The following TRPV1 variants were observed in gnomAD, a reference collection of about 807,000 sequenced individuals.
TRPV1 encodes OTRPC1.
In TRPV1, 82 loss-of-function variants were observed where a neutral mutation model predicts 82.3. That is an observed-to-expected ratio of 1.00 (90% CI 0.83 to 1.20). TRPV1 has a LOEUF of 1.20. TRPV1 is among the 50% of genes most tolerant of loss of function. TRPV1 has a pLI of 0.00. For synonymous variants in TRPV1, 515 were observed against 467.7 expected (o/e 1.10, Z -1.30); for missense variants, 1,067 against 1,096.8 (o/e 0.97, Z 0.38).
chr17:3,575,031 A>G (rs1325270080), intron 13 of TRPV1, among the ~76,000 whole-genome samples: 1 of 152,168 alleles, frequency 6.6e-6, no homozygotes, highest in Non-Finnish European at 1.5e-5. Flanking sequence ...AAAAGAGGAT[A>G]GTAAGGATTA....
intron 2 of TRPV1, among the ~76,000 whole-genome samples, chr17:3,593,259 A>G (rs1483617257): frequency 6.6e-6 from 1 of 152,042 alleles, no homozygotes; most frequent in Non-Finnish European, 1.5e-5. Flanking sequence ...CTGGGATTAC[A>G]GGCGCCCGCC....
chr17:3,597,267 G>T (rs1318108323), intron 2 of TRPV1, among the ~76,000 whole-genome samples: 1 of 152,218 alleles, frequency 6.6e-6, no homozygotes, highest in Non-Finnish European at 1.5e-5. Context: ...ACCAGAGCCA[G>T]CCAGAGCTGC....
In TRPV1 at chr17:3,577,177, G is replaced by A; in HGVS notation, c.1729C>T (p.Leu577=). ...ATGTAGACAAACATGAAACGGCACA[G>A]GTCTCTCAGGATCATCTGCAGGAGA... is the stretch of plus-strand genomic sequence containing the variant. The part of the protein sequence containing the change: ...VMIEKMILRD[L]CRFMFVYIVF... Residue 577 remains leucine, a synonymous_variant, in exon 13 of 17, where the codon CTG becomes TTG. Coordinates refer to ENST00000572705, the MANE Select transcript of TRPV1 (RefSeq NM_080704.4). 1.3e-6 allele frequency: 2 copies of A among 1,582,858 alleles called. No homozygotes were observed. Among genetic ancestry groups the A allele is most frequent in the Non-Finnish European group, 1.7e-6 (2 of 1,164,788 alleles).
In TRPV1 at chr17:3,572,139, G is replaced by C. The variant is rs2074862353; in HGVS notation, c.2214C>G (p.Asp738Glu). ...QVGYTPDGKD[D>E]YRWCFRVDEV... is the part of the protein sequence containing the mutation. Reference sequence around the variant, plus strand: ...GGCATTACCTGAAGCACCACCGGTAGTCGTCCTTGCCATCAGGTGTGTACC... The same window carrying C: ...GGCATTACCTGAAGCACCACCGGTACTCGTCCTTGCCATCAGGTGTGTACC... Residue 738 changes from aspartate (D) to glutamate (E), a missense_variant, in exon 15 of 17, where the codon GAC becomes GAG. By Grantham distance (45) the Asp-to-Glu change is conservative. Coordinates refer to ENST00000572705, the MANE Select transcript of TRPV1 (RefSeq NM_080704.4). The C allele has an allele frequency of 6.2e-7, 1 of 1,613,470 alleles. No homozygotes were observed. Among genetic ancestry groups the C allele is most frequent in the Non-Finnish European group, 8.5e-7 (1 of 1,179,668 alleles).
intron 2 of TRPV1, among the ~76,000 whole-genome samples, chr17:3,593,134 GTGTC>G (rs1449651557): frequency 8.0e-4 from 19 of 23,846 alleles, no homozygotes; most frequent in African/African-American, 5.5e-3. Context: ...GTGTGTGTGT[GTGTC>G]TGTGTGTCTC....
intron 16 of TRPV1, among the ~76,000 whole-genome samples, chr17:3,568,296 TG>T (rs1231188622): frequency 2.1e-5 from 3 of 142,732 alleles, no homozygotes; most frequent in African/African-American, 8.0e-5. Flanking sequence ...CACTCCAGCC[TG>T]GGTGACAGAG....
chr17:3,582,721 G>A (rs1205791798), intron 10 of TRPV1, among the ~76,000 whole-genome samples: 1 of 152,008 alleles, frequency 6.6e-6, no homozygotes, highest in Non-Finnish European at 1.5e-5. Context: ...ACTTTGGGAG[G>A]CTGAGGCAGG....
chr17:3,570,836 C>T (rs748572816), intron 16 of TRPV1, among the ~76,000 whole-genome samples: 4 of 152,146 alleles, frequency 2.6e-5, no homozygotes, highest in Non-Finnish European at 4.4e-5. Context: ...GCTTCAGCCT[C>T]CCGAGTAGCT....
intron 7 of TRPV1, among the ~76,000 whole-genome samples, chr17:3,588,580 G>C (rs144209836): frequency 2.6e-5 from 4 of 152,100 alleles, no homozygotes; most frequent in Non-Finnish European, 4.4e-5. Flanking sequence ...AGGCTGAGGC[G>C]GGTGGATCAC....
rs201051283 is a variant in TRPV1 at position 3,566,719 on chromosome 17, A to G, written c.*96T>C. ...ATGCTGGGCAGGCACAGACCAGGCC[A>G]GGCTGCTGACAGAGCACTGGTGTTC... On this transcript the variant is annotated 3_prime_UTR_variant, in exon 17 of 17. Coordinates refer to ENST00000572705, the MANE Select transcript of TRPV1 (RefSeq NM_080704.4). 11 of 1,467,576 alleles carry G rather than the reference A, an allele frequency of 7.5e-6. No homozygotes were observed. The highest frequency in any genetic ancestry group is 1.0e-5 in the Non-Finnish European group (11 of 1,083,764). The allele number at this position is 1,467,576 out of a possible 1,614,324, so 90.9% of individuals were successfully genotyped here.
chr17:3,576,767 T>C (rs1218991105), intron 13 of TRPV1, among the ~76,000 whole-genome samples: 2 of 140,744 alleles, frequency 1.4e-5, no homozygotes, highest in Non-Finnish European at 1.5e-5. Context: ...GAGAATTGCT[T>C]GAACCCAGGA....
At chr17:3,580,839 A>T (rs2074999637) in intron 10 of TRPV1, among the ~76,000 whole-genome samples, 1 of 152,150 alleles carries the variant, frequency 6.6e-6, no homozygotes, top group South Asian at 2.1e-4. Context: ...CAACATGGTG[A>T]AATCCCGTCT....
intron 2 of TRPV1, among the ~76,000 whole-genome samples, chr17:3,595,127 C>T (rs1163927910): frequency 6.6e-6 from 1 of 152,182 alleles, no homozygotes; most frequent in Non-Finnish European, 1.5e-5. Flanking sequence ...ACTTAAAAGG[C>T]ACCAGAAGCG....
chr17:3,576,983 T>C (rs2074940942), intron 13 of TRPV1, 143 bp downstream of exon 13: 1 of 765,886 alleles, frequency 1.3e-6, no homozygotes, highest in Non-Finnish European at 2.1e-6. Flanking sequence ...CTCATTTCAG[T>C]GTGTCCTCTG....
Position 3,571,559 on chromosome 17 carries a change from T to C in TRPV1, c.2312A>G (p.Lys771Arg), listed in dbSNP as rs781197573. Reference protein sequence around the residue: ...NEDPGNCEGVKRTLSFSLRSS... With the variant: ...NEDPGNCEGVRRTLSFSLRSS... ...CCGCAGGGAGAAGCTCAGGGTGCGC[T>C]TGACGCCCTCACAGTTGCCCGGGTC... is the stretch of plus-strand genomic sequence containing the variant. Residue 771 changes from lysine to arginine, a missense_variant, in exon 16 of 17, where the codon AAG (lysine) becomes AGG (arginine). Lys to Arg is a conservative substitution (Grantham distance 26). Coordinates refer to ENST00000572705, the MANE Select transcript of TRPV1 (RefSeq NM_080704.4). 2.5e-6 allele frequency: 4 copies of C among 1,611,500 alleles called. No homozygotes were observed. Among genetic ancestry groups the C allele is most frequent in the Non-Finnish European group, 3.4e-6 (4 of 1,178,950 alleles).
At position 3,576,091 on chromosome 17, in the gene TRPV1, G is replaced by A. The variant is rs1204261289; in HGVS notation, c.1780+1035C>T. Among the ~76,000 whole-genome samples, 4 of 151,712 alleles carry A rather than the reference G, an allele frequency of 2.6e-5. No homozygotes were observed. In the East Asian group the frequency reaches 5.8e-4, roughly 22 times the overall value. On this transcript the variant is annotated intron_variant, in intron 13 of 16. Transcript: ENST00000572705. ...AAAAAAAATAGCCAGGTGTGGTGGC[G>A]GGCATCTGTAATCCCAGCTACTGGG...
intron 16 of TRPV1, among the ~76,000 whole-genome samples, chr17:3,570,787 C>T (rs991301305): frequency 2.5e-4 from 38 of 152,114 alleles, no homozygotes; most frequent in African/African-American, 8.7e-4. Context: ...GATCTCGGCT[C>T]ACTGCAACCT....
intron 7 of TRPV1, chr17:3,588,959 G>T: frequency 6.5e-7 from 1 of 1,535,472 alleles, no homozygotes; most frequent in Non-Finnish European, 8.7e-7. Context: ...GTCCATTCTC[G>T]ATAACCTCAA....
intron 5 of TRPV1, 54 bp from the exon 6 acceptor site, chr17:3,590,446 G>A: frequency 6.3e-7 from 1 of 1,594,574 alleles, no homozygotes; most frequent in Non-Finnish European, 8.6e-7. Flanking sequence ...GGGGCTGCCG[G>A]GACAGGTGCT....
Sources: allele counts gnomAD v4.1 joint callset (sites outside exome capture counted in the v4.1 genomes callset), GRCh38; gene constraint gnomAD v4.1.1; transcripts MANE v1.5; gene names NCBI Gene and HGNC (gene_info 2026-07-23, HGNC 2026-07-21).